Variants in MRTFA observed in about 807,000 individuals in gnomAD.
MRTFA encodes myocardin-related transcription factor A.
Under a neutral mutation model 83.5 loss-of-function variants are expected in MRTFA, and 20 were observed. The ratio of observed to expected loss-of-function variants is 0.24; its 90% CI spans 0.17 to 0.35. MRTFA has a LOEUF of 0.35. MRTFA is among the 10% of genes least tolerant of loss of function. MRTFA has a pLI of 1.00. For synonymous variants in MRTFA, 659 were observed against 541.2 expected, an observed-to-expected ratio of 1.22 and a Z score of -3.02; for missense variants, 1,200 against 1,224.7, an observed-to-expected ratio of 0.98 and a Z score of 0.30.
At chr22:40,427,526 C>A (rs1299520342) in intron 7 of MRTFA, among the ~76,000 whole-genome samples, 1 of 152,208 alleles carries the variant, frequency 6.6e-6, no homozygotes, top group African/African-American at 2.4e-5. Context: ...TCAGGAGGGG[C>A]AGGCAGGTGC....
At chr22:40,458,488 C>A (rs904254947) in intron 4 of MRTFA, among the ~76,000 whole-genome samples, 2 of 152,110 alleles carry the variant, frequency 1.3e-5, no homozygotes, top group African/African-American at 4.8e-5. Flanking sequence ...AACAGAACAA[C>A]CCTGAAGGGA....
At chr22:40,554,297 G>A (rs1317270600) in intron 2 of MRTFA, among the ~76,000 whole-genome samples, 3 of 152,120 alleles carry the variant, frequency 2.0e-5, no homozygotes, top group African/African-American at 7.2e-5. Flanking sequence ...GAGGGGCCAG[G>A]GGCAGAATGA....
chr22:40,489,310 A>T (rs74977954), intron 3 of MRTFA, among the ~76,000 whole-genome samples: 5,850 of 152,042 alleles, frequency 0.038, 302 homozygotes, highest in Middle Eastern at 0.12. Context: ...GACAGCAATT[A>T]AAAAAATAAT....
chr22:40,472,885 T>C (rs766034594), intron 3 of MRTFA, among the ~76,000 whole-genome samples: 20 of 152,218 alleles, frequency 1.3e-4, no homozygotes, highest in South Asian at 6.2e-4. Flanking sequence ...CCCCAAGCTC[T>C]GGCTAAAAAT....
intron 3 of MRTFA, among the ~76,000 whole-genome samples, chr22:40,475,907 G>A (rs2053987066): frequency 6.6e-6 from 1 of 152,204 alleles, no homozygotes; most frequent in Non-Finnish European, 1.5e-5. Context: ...CACTTCGGGA[G>A]GCCGAGGCGG....
intron 2 of MRTFA, among the ~76,000 whole-genome samples, chr22:40,570,577 CAAAAAAAAA>C (rs894548892): frequency 4.8e-4 from 11 of 23,152 alleles, no homozygotes; most frequent in East Asian, 1.2e-3. Flanking sequence ...GACTCTGTCT[CAAAAAAAAA>C]AAAAAAAAAA....
chr22:40,499,815 C>T (rs2054425322), intron 3 of MRTFA, among the ~76,000 whole-genome samples: 2 of 151,920 alleles, frequency 1.3e-5, no homozygotes, highest in South Asian at 4.1e-4. Context: ...TCAACTTTCA[C>T]CATAAATTTC....
At chr22:40,489,363 T>TTA (rs1384828603) in intron 3 of MRTFA, among the ~76,000 whole-genome samples, 3 of 152,058 alleles carry the variant, frequency 2.0e-5, no homozygotes, top group Admixed American at 6.6e-5. Context: ...TTTTTTTTTT[T>TTA]TATGGAGACG....
intron 3 of MRTFA, among the ~76,000 whole-genome samples, chr22:40,472,002 A>T (rs1439661239): frequency 1.3e-5 from 2 of 152,240 alleles, no homozygotes; most frequent in Non-Finnish European, 2.9e-5. Flanking sequence ...AGAGAAAGAC[A>T]TCAAAACAAA....
intron 3 of MRTFA, among the ~76,000 whole-genome samples, chr22:40,530,512 G>C (rs1260343540): frequency 6.6e-6 from 1 of 152,222 alleles, no homozygotes; most frequent in Non-Finnish European, 1.5e-5. Context: ...GGCCAGGCTT[G>C]TCTTGAACTC....
At position 40,423,633 on chromosome 22, in the gene MRTFA, G is replaced by A. The variant is rs1268310597; in HGVS notation, c.830C>T (p.Ala277Val). 1 of 1,593,066 alleles carries A rather than the reference G, an allele frequency of 6.3e-7. No homozygotes were observed. Among genetic ancestry groups the A allele is most frequent in the East Asian group, 2.3e-5 (1 of 43,486 alleles). Residue 277 changes from alanine to valine, a missense_variant, in exon 9 of 15, where the codon GCA becomes GTA. Physicochemically the swap from Ala to Val is moderately conservative, Grantham distance 64. Coordinates refer to ENST00000355630, the MANE Select transcript of MRTFA (RefSeq NM_020831.6). Reference sequence around the variant, plus strand: ...TGGGGGAGGCAGAGGAGGCTGCTCTGCCAGGAAAAGCATTTCTCTGGAATC... The same window carrying A: ...TGGGGGAGGCAGAGGAGGCTGCTCTACCAGGAAAAGCATTTCTCTGGAATC...
At chr22:40,477,535 T>G (rs1016386293) in intron 3 of MRTFA, among the ~76,000 whole-genome samples, 1 of 152,064 alleles carries the variant, frequency 6.6e-6, no homozygotes, top group Non-Finnish European at 1.5e-5. Flanking sequence ...CATATACCCT[T>G]TGAAACTCAA....
intron 1 of MRTFA, among the ~76,000 whole-genome samples, chr22:40,631,160 T>G (rs148966668): frequency 2.6e-3 from 391 of 152,320 alleles, no homozygotes; most frequent in African/African-American, 9.2e-3. Context: ...AAAAATTATC[T>G]AGATGTAGGT....
chr22:40,435,655 G>T, intron 4 of MRTFA, 101 bp from the exon 5 acceptor site: 1 of 1,338,510 alleles, frequency 7.5e-7, no homozygotes, highest in Non-Finnish European at 1.1e-6. Flanking sequence ...GTTACTGGCT[G>T]GGCGTGGTGG....
intron 4 of MRTFA, among the ~76,000 whole-genome samples, chr22:40,455,803 A>AGTAT (rs3044520): frequency 0.02 from 2,885 of 143,308 alleles, 58 homozygotes; most frequent in East Asian, 0.05. Context: ...ATGGTATCCC[A>AGTAT]GTATGTATGT....
In MRTFA at chr22:40,419,395, G is replaced by A. The variant is rs1333565912; in HGVS notation, c.1354-11C>T. ...CTTCAGCTCTGCCACCTGCAAGGCA[G>A]TCAAGAGTCAGGGAGGCCAGGGGCA... is the stretch of plus-strand genomic sequence containing the variant. On this transcript the variant is annotated splice_polypyrimidine_tract_variant and intron_variant, in intron 11 of 14. Coordinates refer to ENST00000355630, the MANE Select transcript of MRTFA (RefSeq NM_020831.6). The A allele has an allele frequency of 6.2e-7, 1 of 1,612,148 alleles. No individual in the cohort carries two copies. Among genetic ancestry groups the A allele is most frequent in the South Asian group, 1.1e-5 (1 of 91,066 alleles).
chr22:40,621,497 T>C (rs986268217), intron 1 of MRTFA, among the ~76,000 whole-genome samples: 4 of 152,154 alleles, frequency 2.6e-5, no homozygotes, highest in Non-Finnish European at 4.4e-5. Context: ...TTAATGGGTA[T>C]AGAGCTTCAG....
intron 2 of MRTFA, among the ~76,000 whole-genome samples, chr22:40,578,249 T>C (rs1354784867): frequency 1.3e-5 from 2 of 152,132 alleles, no homozygotes; most frequent in Non-Finnish European, 2.9e-5. Context: ...CCACCAGGCT[T>C]GGCCAGAATT....
rs958544484 is a variant in MRTFA at position 40,536,277 on chromosome 22, T to A, written c.241+15829A>T. Among the ~76,000 whole-genome samples the A allele has an allele frequency of 3.9e-5, 6 of 152,058 alleles. 1 individual carries two copies. ...GTGATCACCCCACTAAACTCCAGCC[T>A]GGGCAACAGAGCAAGACCCTGTCTC... On this transcript the variant is annotated intron_variant, in intron 3 of 14. Coordinates refer to ENST00000355630, the MANE Select transcript of MRTFA (RefSeq NM_020831.6).
Sources: gnomAD v4.1 joint callset for allele counts (sites outside exome capture counted in the v4.1 genomes callset) on GRCh38, gnomAD v4.1.1 for gene constraint, MANE v1.5 for transcripts, NCBI Gene and HGNC (gene_info 2026-07-23, HGNC 2026-07-21) for gene names.